Variants in PAPPA2 observed in about 807,000 individuals in gnomAD.
The protein encoded by PAPPA2 is pappalysin-2.
Under a neutral mutation model 176.4 loss-of-function variants are expected in PAPPA2, and 86 were observed. That is an observed-to-expected ratio of 0.49 (90% CI 0.41 to 0.58). PAPPA2 has a LOEUF of 0.58. Ranked by LOEUF, PAPPA2 falls within the 20% of genes least tolerant of loss-of-function variation. The pLI is 0.00. For synonymous variants in PAPPA2, 809 were observed against 852.2 expected, an observed-to-expected ratio of 0.95 and a Z score of 0.88; for missense variants, 2,073 against 2,256.9, an observed-to-expected ratio of 0.92 and a Z score of 1.65.
chr1:176,771,343 C>A (rs1021595523), intron 17 of PAPPA2, among the ~76,000 whole-genome samples, 163 bp downstream of exon 17: 7 of 152,202 alleles, frequency 4.6e-5, no homozygotes, highest in African/African-American at 7.2e-5. Context: ...AATAGAAGAT[C>A]CCACAGTCTC....
intron 1 of PAPPA2, among the ~76,000 whole-genome samples, chr1:176,483,613 T>C (rs1652511755): frequency 6.6e-6 from 1 of 151,818 alleles, no homozygotes; most frequent in Admixed American, 6.6e-5. Context: ...TGGGAACACA[T>C]GTGCCTGCCA....
At chr1:176,721,343 T>C (rs1007028854) in intron 12 of PAPPA2, among the ~76,000 whole-genome samples, 1 of 152,232 alleles carries the variant, frequency 6.6e-6, no homozygotes, top group Non-Finnish European at 1.5e-5. Flanking sequence ...GTAAAATGAA[T>C]TTAAATTCCC....
At chr1:176,563,074 A>C (rs1651764821) in intron 2 of PAPPA2, among the ~76,000 whole-genome samples, 1 of 152,180 alleles carries the variant, frequency 6.6e-6, no homozygotes, top group African/African-American at 2.4e-5. Context: ...TGCATGTCTG[A>C]TTAACTTTTG....
intron 12 of PAPPA2, among the ~76,000 whole-genome samples, chr1:176,714,122 G>A (rs1255203698): frequency 1.3e-5 from 2 of 151,940 alleles, no homozygotes; most frequent in African/African-American, 2.4e-5. Flanking sequence ...TATTTCTGTA[G>A]TGCCTTGACA....
chr1:176,711,340 C>A (rs1045524872), intron 11 of PAPPA2, among the ~76,000 whole-genome samples: 1 of 152,090 alleles, frequency 6.6e-6, no homozygotes, highest in Admixed American at 6.6e-5. Context: ...AGGTAATGAC[C>A]GCTCTCTGAA....
intron 4 of PAPPA2, among the ~76,000 whole-genome samples, chr1:176,679,253 C>T (rs897930900): frequency 4.6e-5 from 7 of 152,122 alleles, no homozygotes; most frequent in African/African-American, 1.7e-4. Flanking sequence ...AGACTAATCT[C>T]CTTTATGTGT....
intron 1 of PAPPA2, among the ~76,000 whole-genome samples, chr1:176,535,843 A>G (rs1650042194): frequency 6.6e-6 from 1 of 152,218 alleles, no homozygotes; most frequent in African/African-American, 2.4e-5. Flanking sequence ...AATAGTGCTT[A>G]TCATAGGGCC....
intron 3 of PAPPA2, among the ~76,000 whole-genome samples, chr1:176,627,419 C>T (rs570383048): frequency 8.5e-5 from 13 of 152,082 alleles, no homozygotes; most frequent in Non-Finnish European, 1.8e-4. Context: ...CCCCTTAGCT[C>T]GAGAGAAGTT....
chr1:176,531,737 C>G (rs1217405955), intron 1 of PAPPA2, among the ~76,000 whole-genome samples: 2 of 152,174 alleles, frequency 1.3e-5, no homozygotes, highest in East Asian at 3.9e-4. Context: ...TCTCTTTACA[C>G]AGATCCCCAG....
Position 176,840,205 on chromosome 1 carries a change from C to G in PAPPA2, c.5235C>G (p.Ile1745Met), listed in dbSNP as rs1227157991. ...PFQADGWCDT[I>M]NNRAYCHYDG... ...AAGCAGATGGTTGGTGTGACACTAT[C>G]AACAACCGAGCCTACTGCCACTATG... The change falls in exon 22 of 23, where the codon ATC becomes ATG. Residue 1745 changes from isoleucine to methionine, a missense_variant. Coordinates refer to ENST00000367662, the MANE Select transcript of PAPPA2 (RefSeq NM_020318.3). 5 of 1,613,450 alleles carry G rather than the reference C, an allele frequency of 3.1e-6. No individual in the cohort carries two copies. Among genetic ancestry groups the G allele is most frequent in the Non-Finnish European group, 4.2e-6 (5 of 1,179,626 alleles).
intron 14 of PAPPA2, among the ~76,000 whole-genome samples, chr1:176,747,073 G>A (rs1558558743): frequency 6.6e-6 from 1 of 152,168 alleles, no homozygotes. Flanking sequence ...CAAGTAACTT[G>A]TTTCTGGGAA....
chr1:176,829,128 T>G (rs890622938), intron 21 of PAPPA2, among the ~76,000 whole-genome samples: 6 of 152,176 alleles, frequency 3.9e-5, no homozygotes, highest in Non-Finnish European at 7.3e-5. Context: ...GGATGTGGTA[T>G]CAGAATGGGA....
chr1:176,771,392 C>A (rs79571089), intron 17 of PAPPA2, among the ~76,000 whole-genome samples: 2 of 152,194 alleles, frequency 1.3e-5, no homozygotes, highest in Non-Finnish European at 2.9e-5. Flanking sequence ...CCCTAATGAT[C>A]GCTTTTCTTG....
intron 9 of PAPPA2, among the ~76,000 whole-genome samples, chr1:176,704,232 T>A (rs1660780209): frequency 6.6e-6 from 1 of 152,164 alleles, no homozygotes; most frequent in Admixed American, 6.5e-5. Flanking sequence ...GGCTACTGGG[T>A]CTCGCAAGGT....
At chr1:176,546,462 CA>C (rs933634183) in intron 1 of PAPPA2, among the ~76,000 whole-genome samples, 1 of 151,068 alleles carries the variant, frequency 6.6e-6, no homozygotes, top group Admixed American at 6.6e-5. Flanking sequence ...TTCTATTAGT[CA>C]AAAAAAATAG....
intron 12 of PAPPA2, among the ~76,000 whole-genome samples, chr1:176,720,447 C>T (rs1026952223): frequency 2.6e-5 from 4 of 152,002 alleles, no homozygotes; most frequent in Non-Finnish European, 4.4e-5. Flanking sequence ...AGTACAATTA[C>T]GTTTAATGTA....
At chr1:176,685,045 C>T (rs1659767420) in intron 4 of PAPPA2, among the ~76,000 whole-genome samples, 1 of 150,254 alleles carries the variant, frequency 6.7e-6, no homozygotes, top group Non-Finnish European at 1.5e-5. Flanking sequence ...TGGTTTCACT[C>T]TGGGAGGTCT....
intron 22 of PAPPA2, among the ~76,000 whole-genome samples, chr1:176,842,163 A>G (rs564147393): frequency 2.6e-5 from 4 of 152,268 alleles, no homozygotes; most frequent in Admixed American, 2.6e-4. Flanking sequence ...TCCCTAGTTT[A>G]TATATGAGGA....
At chr1:176,494,697 C>T (rs1647501526) in intron 1 of PAPPA2, among the ~76,000 whole-genome samples, 1 of 152,210 alleles carries the variant, frequency 6.6e-6, no homozygotes, top group African/African-American at 2.4e-5. Context: ...TCCCACCCGG[C>T]CTTCTGATAA....
Sources: gnomAD v4.1 joint callset for allele counts (sites outside exome capture counted in the v4.1 genomes callset) on GRCh38, gnomAD v4.1.1 for gene constraint, MANE v1.5 for transcripts, NCBI Gene and HGNC (gene_info 2026-07-23, HGNC 2026-07-21) for gene names.